Variants in SPOCK3 observed in about 807,000 individuals in gnomAD.
The protein encoded by SPOCK3 is SPARC (osteonectin), cwcv and kazal like domains proteoglycan 3, also known as testican-3.
Under a neutral mutation model 56.6 loss-of-function variants are expected in SPOCK3, and 30 were observed. That is an observed-to-expected ratio of 0.53 (90% CI 0.40 to 0.72). The LOEUF (loss-of-function observed/expected upper bound fraction) is 0.72. Among genes scored for constraint, SPOCK3 ranks in the 30% least tolerant of loss-of-function variants. The pLI, the probability that SPOCK3 is intolerant of heterozygous loss-of-function variation, is 0.00. For missense variants in SPOCK3, 527 were observed against 530.0 expected (o/e 0.99, Z 0.06); for synonymous variants, 196 against 183.3 (o/e 1.07, Z -0.56).
chr4:167,150,970 T>C (rs1044608722), intron 2 of SPOCK3, among the ~76,000 whole-genome samples: 1 of 152,300 alleles, frequency 6.6e-6, no homozygotes, highest in South Asian at 2.1e-4. Context: ...TTTAAGAGCA[T>C]TGATTGCCTT....
chr4:166,806,752 C>G (rs568397332), intron 6 of SPOCK3, among the ~76,000 whole-genome samples: 3 of 151,938 alleles, frequency 2.0e-5, no homozygotes, highest in Non-Finnish European at 4.4e-5. Context: ...AATTATGGTT[C>G]AAATATTTAC....
chr4:166,951,479 T>A (rs1441472175), intron 4 of SPOCK3, among the ~76,000 whole-genome samples: 2 of 142,230 alleles, frequency 1.4e-5, no homozygotes. Flanking sequence ...TCAGATGGAT[T>A]CACAGCCGAA....
intron 3 of SPOCK3, among the ~76,000 whole-genome samples, chr4:167,046,072 T>C (rs1338646647): frequency 6.6e-6 from 1 of 152,150 alleles, no homozygotes; most frequent in African/African-American, 2.4e-5. Flanking sequence ...TTTAACAGGG[T>C]ACATCAGGGT....
At chr4:167,157,530 G>T (rs1764918335) in intron 2 of SPOCK3, among the ~76,000 whole-genome samples, 1 of 151,110 alleles carries the variant, frequency 6.6e-6, no homozygotes, top group African/African-American at 2.4e-5. Context: ...GGGAGTTTCT[G>T]ACATTAAAAA....
intron 2 of SPOCK3, chr4:167,119,880 G>GC: frequency 6.7e-7 from 1 of 1,496,728 alleles, no homozygotes; most frequent in South Asian, 1.3e-5. Context: ...TCTTACTAAT[G>GC]CCCCAAAGGT....
intron 6 of SPOCK3, among the ~76,000 whole-genome samples, chr4:166,832,282 G>A (rs1275908291): frequency 6.6e-6 from 1 of 151,900 alleles, no homozygotes; most frequent in Non-Finnish European, 1.5e-5. Flanking sequence ...TAGGAGTCCA[G>A]TTTCTTTCTT....
chr4:166,739,630 C>T (rs1009654520), intron 9 of SPOCK3, among the ~76,000 whole-genome samples: 2 of 151,748 alleles, frequency 1.3e-5, no homozygotes, highest in African/African-American at 4.8e-5. Context: ...AAAGTGAAGT[C>T]GTGTTTTTTA....
chr4:166,929,633 A>G (rs1391518657), intron 4 of SPOCK3, among the ~76,000 whole-genome samples: 2 of 151,986 alleles, frequency 1.3e-5, no homozygotes, highest in Non-Finnish European at 2.9e-5. Context: ...AAATTCAAGA[A>G]CCCCTTCTCC....
At chr4:166,989,705 C>T (rs572944730) in intron 4 of SPOCK3, among the ~76,000 whole-genome samples, 22 of 152,206 alleles carry the variant, frequency 1.4e-4, no homozygotes, top group African/African-American at 5.3e-4. Flanking sequence ...ATTATTTTTC[C>T]ACCATCAATG....
intron 2 of SPOCK3, among the ~76,000 whole-genome samples, chr4:167,227,068 T>C (rs1288405070): frequency 6.6e-6 from 1 of 152,160 alleles, no homozygotes; most frequent in East Asian, 1.9e-4. Context: ...TAGTGCTTGA[T>C]ATTACCTATT....
At position 167,205,841 on chromosome 4, in the gene SPOCK3, C is replaced by T. The variant is rs540794473; in HGVS notation, c.189+28144G>A. ...GCCAGCCTGGTCTTGGAACTCCTGA[C>T]CTCATGATCTGCCCACCTCAGCCTT... On this transcript the variant is annotated intron_variant, in intron 2 of 10. Transcript: ENST00000357545. 2.0e-5 allele frequency among the ~76,000 whole-genome samples: 3 copies of T among 151,018 alleles called. No individual in the cohort carries two copies. In the Admixed American group the frequency reaches 2.0e-4, roughly 10 times the overall value.
rs866541021 is a variant in SPOCK3 at position 167,109,005 on chromosome 4, A to T, written c.190-46468T>A. Among the ~76,000 whole-genome samples the T allele has an allele frequency of 4.6e-4, 36 of 77,600 alleles. 4 individuals carry two copies. The highest frequency in any genetic ancestry group is 6.8e-4 in the Non-Finnish European group (29 of 42,358). The allele number at this position is 77,600 out of a possible 152,430, so 50.9% of individuals were successfully genotyped here. On this transcript the variant is annotated intron_variant, in intron 2 of 10. Coordinates refer to ENST00000357545, the MANE Select transcript of SPOCK3 (RefSeq NM_001040159.2). The stretch of plus-strand genomic sequence containing the variant: ...ATAAATATATATTTATATATATATA[A>T]ATATATACTTATATAAAAATATATA...
intron 6 of SPOCK3, among the ~76,000 whole-genome samples, chr4:166,841,323 G>A (rs1283630113): frequency 6.6e-6 from 1 of 152,026 alleles, no homozygotes; most frequent in African/African-American, 2.4e-5. Context: ...ATACCAGTAG[G>A]ATGTCACAGA....
chr4:166,891,340 C>T (rs1734754717), intron 5 of SPOCK3, among the ~76,000 whole-genome samples: 1 of 151,972 alleles, frequency 6.6e-6, no homozygotes. Context: ...TCAGCTTTAG[C>T]TGATATCAAG....
chr4:167,100,256 T>A (rs1759519951), intron 2 of SPOCK3, among the ~76,000 whole-genome samples: 1 of 152,156 alleles, frequency 6.6e-6, no homozygotes, highest in Non-Finnish European at 1.5e-5. Context: ...CCTCTCTTTC[T>A]CTGACTGACT....
intron 4 of SPOCK3, among the ~76,000 whole-genome samples, chr4:166,999,635 C>T (rs999687362): frequency 1.1e-4 from 16 of 152,130 alleles, no homozygotes; most frequent in Non-Finnish European, 1.5e-4. Flanking sequence ...ATAAAGGAAA[C>T]GAATACACCA....
At chr4:166,866,701 C>A (rs1731877897) in intron 6 of SPOCK3, among the ~76,000 whole-genome samples, 3 of 152,104 alleles carry the variant, frequency 2.0e-5, no homozygotes, top group South Asian at 4.1e-4. Flanking sequence ...GTCTGGTTGA[C>A]AACTTTTATG....
chr4:166,787,494 A>G (rs1740856454), intron 7 of SPOCK3, among the ~76,000 whole-genome samples: 1 of 152,204 alleles, frequency 6.6e-6, no homozygotes, highest in African/African-American at 2.4e-5. Flanking sequence ...TCAAGAATAT[A>G]TAGTTCTATT....
rs551831202 is a variant in SPOCK3 at position 166,788,451 on chromosome 4, AT to A, written c.709+3718del. On this transcript the variant is annotated intron_variant, in intron 7 of 10. Coordinates refer to ENST00000357545, the MANE Select transcript of SPOCK3 (RefSeq NM_001040159.2). ...AACACAAAAGCATGCTTTGTAATTTATATACTTTTTATCTCTTATTTTTATA... is the reference window on the plus strand; with the variant it reads ...AACACAAAAGCATGCTTTGTAATTTAATACTTTTTATCTCTTATTTTTATA... Among the ~76,000 whole-genome samples, 16 of 152,230 alleles carry A rather than the reference AT, an allele frequency of 1.1e-4. No individual in the cohort carries two copies. The East Asian group carries it at 3.1e-3, about 29-fold the overall frequency.
Sources: gnomAD v4.1 joint callset for allele counts (sites outside exome capture counted in the v4.1 genomes callset) on GRCh38, gnomAD v4.1.1 for gene constraint, MANE v1.5 for transcripts, NCBI Gene and HGNC (gene_info 2026-07-23, HGNC 2026-07-21) for gene names.